SLC6A12: variants seen among roughly 807,000 people sequenced by gnomAD.
SLC6A12 encodes the protein solute carrier family 6 member 12, also known as sodium- and chloride-dependent betaine transporter.
A neutral mutation model predicts 73.3 loss-of-function variants in SLC6A12; 50 were observed. The ratio of observed to expected loss-of-function variants is 0.68; its 90% CI spans 0.54 to 0.86. The LOEUF is 0.86. Among genes scored for constraint, SLC6A12 ranks in the 40% least tolerant of loss-of-function variants. The pLI is 0.00. For missense variants in SLC6A12, 648 were observed against 772.8 expected, an observed-to-expected ratio of 0.84 and a Z score of 1.92; for synonymous variants, 304 against 309.2, an observed-to-expected ratio of 0.98 and a Z score of 0.18.
chr12:198,028 T>C lies in SLC6A12; in HGVS notation c.847-25A>G, dbSNP rs760176344. ...CCTACACAAAACCCCAAGAAAGAGG[T>C]AGAGGCAGCCCCCAGGGCCCAGAGC... On this transcript the variant is annotated intron_variant, in intron 8 of 15. Transcript: ENST00000684302. This position sits in a 1 kb window ranked among gnomAD's most constrained non-coding sequence, Gnocchi z 4.0. 17 of 1,598,696 alleles carry C rather than the reference T, an allele frequency of 1.1e-5. No homozygotes were observed. The highest frequency in any genetic ancestry group is 1.7e-4 in the Middle Eastern group (1 of 6,034).
At chr12:199,345 A>G (rs1940091401) in intron 7 of SLC6A12, among the ~76,000 whole-genome samples, 2 of 152,246 alleles carry the variant, frequency 1.3e-5, no homozygotes, top group South Asian at 4.1e-4. Context: ...AGACTAATTT[A>G]AAGTCCAGAA....
chr12:195,490 A>C (rs1939819706), intron 12 of SLC6A12, among the ~76,000 whole-genome samples, 163 bp from the exon 13 acceptor site: 1 of 152,044 alleles, frequency 6.6e-6, no homozygotes, highest in Non-Finnish European at 1.5e-5. Context: ...CCCTGCCTTC[A>C]GGCCCCCCAG....
chr12:194,031 T>C (rs756263309), intron 13 of SLC6A12: 7 of 152,246 alleles, frequency 4.6e-5, no homozygotes, highest in Admixed American at 2.0e-4. Flanking sequence ...ATGGTAAAGA[T>C]ACTTGGAGGG....
chr12:212,892 G>T (rs983042846), intron 1 of SLC6A12, among the ~76,000 whole-genome samples: 2 of 144,554 alleles, frequency 1.4e-5, no homozygotes, highest in Non-Finnish European at 3.0e-5. Context: ...AGCCGGGACA[G>T]GGGGGTGAGG....
downstream of SLC6A12, among the ~76,000 whole-genome samples, chr12:187,589 C>CAAAAAAAAAAAAAAAAAAAA (rs761187495): frequency 3.6e-4 from 38 of 106,030 alleles, no homozygotes; most frequent in African/African-American, 5.8e-4. Flanking sequence ...TGCAAAAGAG[C>CAAAAAAAAAAAAAAAAAAAA]AAAAAAAAAA....
intron 7 of SLC6A12, among the ~76,000 whole-genome samples, chr12:200,397 T>C (rs216240): frequency 0.047 from 6,896 of 148,250 alleles, 484 homozygotes; most frequent in African/African-American, 0.15. Flanking sequence ...CGTGAGCCAC[T>C]GCACCCGGCA....
chr12:188,166 G>GGGGC (rs1939470606), downstream of SLC6A12, among the ~76,000 whole-genome samples: 1 of 152,342 alleles, frequency 6.6e-6, no homozygotes, highest in South Asian at 2.1e-4. Flanking sequence ...CCTGGAGCAG[G>GGGGC]GGGCGGCGCT....
rs1246257220 is a variant in SLC6A12, at chr12:209,311, A to T, written c.214+462T>A. Among the ~76,000 whole-genome samples, 3 of 152,092 alleles carry T rather than the reference A, an allele frequency of 2.0e-5. No homozygotes were observed. The East Asian group carries it at 5.8e-4, about 29-fold the overall frequency. On this transcript the variant is annotated intron_variant, in intron 3 of 15. Coordinates refer to ENST00000684302, the MANE Select transcript of SLC6A12 (RefSeq NM_001122848.3). Reference sequence around the variant, plus strand: ...TCACCCCTCCACTCATCACCATTTGACATAGACCACGCGGAACCGTTTGTC... The same window carrying T: ...TCACCCCTCCACTCATCACCATTTGTCATAGACCACGCGGAACCGTTTGTC...
Position 213,359 on chromosome 12 carries a change from G to T in SLC6A12, c.-143+563C>A, listed in dbSNP as rs1206904212. On this transcript the variant is annotated intron_variant, in intron 1 of 15. Transcript: ENST00000684302. The surrounding 1 kb of genome is among the most constrained non-coding windows in gnomAD (Gnocchi z 5.3). Reference sequence around the variant, plus strand: ...CACCCCGTGAGTGCCGGTCTCAGCTGGTGGCTGCCTGCAACTCCCCTGAGT... The same window carrying T: ...CACCCCGTGAGTGCCGGTCTCAGCTTGTGGCTGCCTGCAACTCCCCTGAGT... 2 of 152,564 alleles carry T rather than the reference G, an allele frequency of 1.3e-5. No homozygotes were observed. The highest frequency in any genetic ancestry group is 4.8e-5 in the African/African-American group (2 of 41,434). 9.5% of individuals were successfully genotyped at this position (152,564 alleles called of 1,614,324 possible). A position where few individuals can be genotyped will look rare whatever the true frequency, so the allele number is the denominator to read the frequency against.
In SLC6A12 at chr12:190,757, A is replaced by G. The variant is rs556669969; in HGVS notation, c.*311T>C. On this transcript the variant is annotated 3_prime_UTR_variant, in exon 16 of 16. Transcript: ENST00000684302. The stretch of plus-strand genomic sequence containing the variant: ...GAGGCATCCCCACAGTGGAATCCTC[A>G]TAACTCGAGGTGTTGCAATCAGATG... The G allele has an allele frequency of 5.4e-4, 115 of 214,532 alleles. 1 individual carries two copies. The highest frequency in any genetic ancestry group is 4.6e-3 in the Middle Eastern group (3 of 648). 13.3% of individuals were successfully genotyped at this position (214,532 alleles called of 1,614,324 possible). A position where few individuals can be genotyped will look rare whatever the true frequency, so the allele number is the denominator to read the frequency against.
chr12:206,231 T>C (rs1940635402), intron 3 of SLC6A12, among the ~76,000 whole-genome samples: 1 of 152,194 alleles, frequency 6.6e-6, no homozygotes, highest in South Asian at 2.1e-4. Flanking sequence ...AAACACTAAC[T>C]CCCCATTCCC....
chr12:206,394 G>T (rs891853037), intron 3 of SLC6A12, among the ~76,000 whole-genome samples: 1 of 152,202 alleles, frequency 6.6e-6, no homozygotes, highest in South Asian at 2.1e-4. Context: ...ATTGATCCAG[G>T]TCATAGCATG....
At chr12:188,976 C>A (rs1376636066), downstream of SLC6A12, among the ~76,000 whole-genome samples, 2 of 152,194 alleles carry the variant, frequency 1.3e-5, 1 homozygote, top group Non-Finnish European at 2.9e-5. Flanking sequence ...GCTTGCGGGA[C>A]AGGCTGTGCG....
In SLC6A12 at chr12:190,121, G is replaced by C. The variant is rs1455569540; in HGVS notation, c.*947C>G. On this transcript the variant is annotated 3_prime_UTR_variant, in exon 16 of 16. Coordinates refer to ENST00000684302, the MANE Select transcript of SLC6A12 (RefSeq NM_001122848.3). ...ACACACTTGTTAACTAAGGCAGGGG[G>C]TTAATGGGAAGACACTGGCCTGAGC... 6.6e-6 allele frequency: 1 copy of C among 152,300 alleles called. No individual in the cohort carries two copies. Among genetic ancestry groups the C allele is most frequent in the African/African-American group, 2.4e-5 (1 of 41,448 alleles). 9.4% of individuals were successfully genotyped at this position (152,300 alleles called of 1,614,324 possible).
chr12:193,586 C>G (rs1033323608), intron 13 of SLC6A12, among the ~76,000 whole-genome samples: 2 of 152,272 alleles, frequency 1.3e-5, no homozygotes, highest in African/African-American at 4.8e-5. Context: ...GCTGCCCCCA[C>G]ACACTGCTGC....
At chr12:191,812 GC>G (rs1371057316) in intron 15 of SLC6A12, among the ~76,000 whole-genome samples, 1 of 152,180 alleles carries the variant, frequency 6.6e-6, no homozygotes, top group African/African-American at 2.4e-5. Flanking sequence ...GTGTAGAAAT[GC>G]AGGAAAAGTC....
chr12:210,268 G>T, intron 2 of SLC6A12: 1 of 1,146,888 alleles, frequency 8.7e-7, no homozygotes, highest in Non-Finnish European at 1.1e-6. Flanking sequence ...ATTCACCCAA[G>T]ACCACTCAGG....
intron 13 of SLC6A12, among the ~76,000 whole-genome samples, chr12:194,850 G>A (rs1449736600): frequency 1.3e-5 from 2 of 152,218 alleles, no homozygotes; most frequent in Non-Finnish European, 2.9e-5. Context: ...CTCGTTGTTG[G>A]AAAGGCAGTG....
intron 4 of SLC6A12, chr12:204,223 A>G: frequency 3.5e-6 from 1 of 283,478 alleles, no homozygotes; most frequent in Non-Finnish European, 6.8e-6. Flanking sequence ...GGGAGCACCC[A>G]GAGCCTGTGA....
Sources: allele counts gnomAD v4.1 joint callset (sites outside exome capture counted in the v4.1 genomes callset), GRCh38; gene constraint gnomAD v4.1.1; non-coding constraint Gnocchi (gnomAD v3.1); transcripts MANE v1.5; gene names NCBI Gene and HGNC (gene_info 2026-07-23, HGNC 2026-07-21).